Variants in PRKD1 observed in about 807,000 individuals in gnomAD.
The protein encoded by PRKD1 is serine/threonine-protein kinase D1.
Under a neutral mutation model 95.9 loss-of-function variants are expected in PRKD1, and 63 were observed. The ratio of observed to expected loss-of-function variants is 0.66; its 90% CI spans 0.54 to 0.81. The LOEUF (loss-of-function observed/expected upper bound fraction) is 0.81, where lower values mean the gene tolerates loss of function less well. Ranked by LOEUF, PRKD1 falls within the 30% of genes least tolerant of loss-of-function variation. The pLI, the probability that PRKD1 is intolerant of heterozygous loss-of-function variation, is 0.00. For synonymous variants in PRKD1, 425 were observed against 423.1 expected, an observed-to-expected ratio of 1.00 and a Z score of -0.05; for missense variants, 1,048 against 1,165.3, an observed-to-expected ratio of 0.90 and a Z score of 1.47.
At chr14:29,832,855 T>C (rs1891468099) in intron 1 of PRKD1, among the ~76,000 whole-genome samples, 1 of 152,274 alleles carries the variant, frequency 6.6e-6, no homozygotes, top group Non-Finnish European at 1.5e-5. Flanking sequence ...GACGTACTAG[T>C]ATAAATTTTA....
intron 2 of PRKD1, among the ~76,000 whole-genome samples, chr14:29,671,812 G>A (rs146612457): frequency 8.9e-4 from 136 of 152,142 alleles, no homozygotes; most frequent in African/African-American, 3.2e-3. Context: ...CCTTTTGTAA[G>A]AAGAACAGAA....
intron 2 of PRKD1, among the ~76,000 whole-genome samples, chr14:29,684,031 C>T (rs1883700736): frequency 6.6e-6 from 1 of 152,152 alleles, no homozygotes; most frequent in Non-Finnish European, 1.5e-5. Context: ...GTGGGATTTC[C>T]TTAGCTAAAA....
intron 1 of PRKD1, among the ~76,000 whole-genome samples, chr14:29,836,814 C>A (rs1335569990): frequency 1.3e-5 from 2 of 152,106 alleles, no homozygotes; most frequent in African/African-American, 4.8e-5. Flanking sequence ...AACCTGAATG[C>A]CTTAGGGCCA....
chr14:29,582,593 T>C (rs1036804213), intron 16 of PRKD1, among the ~76,000 whole-genome samples: 3 of 152,114 alleles, frequency 2.0e-5, no homozygotes, highest in African/African-American at 7.2e-5. Context: ...CCATTTCCCA[T>C]AGGTGCCAGC....
At chr14:29,679,905 G>C (rs1883442127) in intron 2 of PRKD1, among the ~76,000 whole-genome samples, 1 of 151,910 alleles carries the variant, frequency 6.6e-6, no homozygotes, top group African/African-American at 2.4e-5. Context: ...TTTTTGTATG[G>C]AAGGTACAAA....
chr14:29,827,960 C>A (rs1268526576), intron 1 of PRKD1, among the ~76,000 whole-genome samples: 10 of 152,082 alleles, frequency 6.6e-5, no homozygotes, highest in Admixed American at 6.6e-4. Context: ...TTTCCACCTG[C>A]TTTTCCTTGG....
At chr14:29,890,617 T>G (rs1366819383) in intron 1 of PRKD1, among the ~76,000 whole-genome samples, 1 of 152,190 alleles carries the variant, frequency 6.6e-6, no homozygotes, top group South Asian at 2.1e-4. Flanking sequence ...TCTCTGGCCT[T>G]TCTCTTTTTT....
At chr14:29,897,667 G>T (rs1244218869) in intron 1 of PRKD1, among the ~76,000 whole-genome samples, 1 of 152,154 alleles carries the variant, frequency 6.6e-6, no homozygotes, top group Non-Finnish European at 1.5e-5. Flanking sequence ...CAGGTAAAGT[G>T]CTGGGTACTT....
At chr14:29,779,313 A>G (rs1236497879) in intron 1 of PRKD1, among the ~76,000 whole-genome samples, 1 of 152,178 alleles carries the variant, frequency 6.6e-6, no homozygotes, top group African/African-American at 2.4e-5. Flanking sequence ...AAAGAAATAA[A>G]GAGTATTCAA....
intron 11 of PRKD1, among the ~76,000 whole-genome samples, chr14:29,628,320 A>G (rs1171621122): frequency 6.6e-6 from 1 of 152,242 alleles, no homozygotes; most frequent in Non-Finnish European, 1.5e-5. Flanking sequence ...TCTTTTGGCC[A>G]TAGATACAGC....
At chr14:29,829,810 A>G (rs977735841) in intron 1 of PRKD1, among the ~76,000 whole-genome samples, 1 of 152,210 alleles carries the variant, frequency 6.6e-6, no homozygotes, top group East Asian at 1.9e-4. Context: ...GTTCATATTT[A>G]CTGCTAAAAT....
intron 1 of PRKD1, among the ~76,000 whole-genome samples, chr14:29,816,660 G>A (rs1384990411): frequency 6.6e-6 from 1 of 152,124 alleles, no homozygotes; most frequent in African/African-American, 2.4e-5. Context: ...CAAATCACCA[G>A]AAGTTCACAT....
At chr14:29,925,297 A>G (rs1895258212) in intron 1 of PRKD1, among the ~76,000 whole-genome samples, 1 of 152,174 alleles carries the variant, frequency 6.6e-6, no homozygotes, top group South Asian at 2.1e-4. Context: ...TCTTTCTGCC[A>G]TAACATTTTT....
In PRKD1 at chr14:29,803,243, G is replaced by A. The variant is rs6571321; in HGVS notation, c.265-77569C>T. 6.0e-3 allele frequency among the ~76,000 whole-genome samples: 909 copies of A among 152,260 alleles called. 5 individuals carry two copies. Among genetic ancestry groups the A allele is most frequent in the African/African-American group, 0.021 (877 of 41,554 alleles). On this transcript the variant is annotated intron_variant, in intron 1 of 17. Transcript: ENST00000331968. ...AACAGAGCTAAGGTCCAAATATTGT[G>A]AAATACAATGTACATATGGACTAGA...
intron 1 of PRKD1, among the ~76,000 whole-genome samples, chr14:29,910,471 A>G (rs1894667986): frequency 6.6e-6 from 1 of 152,144 alleles, no homozygotes; most frequent in African/African-American, 2.4e-5. Context: ...GAACCCACCA[A>G]TTTTGGACAC....
intron 1 of PRKD1, among the ~76,000 whole-genome samples, chr14:29,825,621 T>C (rs1166370375): frequency 6.6e-6 from 1 of 152,090 alleles, no homozygotes; most frequent in Non-Finnish European, 1.5e-5. Context: ...GTAAAGAGGA[T>C]AGTGACATGG....
At chr14:29,717,141 G>A (rs1885649856) in intron 2 of PRKD1, among the ~76,000 whole-genome samples, 1 of 152,018 alleles carries the variant, frequency 6.6e-6, no homozygotes, top group Non-Finnish European at 1.5e-5. Flanking sequence ...TGTATTTGCT[G>A]GCTTGTACAT....
At chr14:29,766,014 G>C (rs979569719) in intron 1 of PRKD1, among the ~76,000 whole-genome samples, 1 of 152,038 alleles carries the variant, frequency 6.6e-6, no homozygotes, top group African/African-American at 2.4e-5. Flanking sequence ...AGACTTTCCT[G>C]GGTATATGTT....
chr14:29,830,460 G>A (rs1239029675), intron 1 of PRKD1, among the ~76,000 whole-genome samples: 7 of 152,014 alleles, frequency 4.6e-5, no homozygotes, highest in Non-Finnish European at 8.8e-5. Context: ...TAAGAATTAA[G>A]TCAGGTCTAC....
Sources: allele counts gnomAD v4.1 joint callset (sites outside exome capture counted in the v4.1 genomes callset), GRCh38; gene constraint gnomAD v4.1.1; transcripts MANE v1.5; gene names NCBI Gene and HGNC (gene_info 2026-07-23, HGNC 2026-07-21).